The following DACH1 variants were observed in gnomAD, a reference collection of about 807,000 sequenced individuals.
DACH1 encodes the protein dachshund homolog 1.
In DACH1, 12 loss-of-function variants were observed where a neutral mutation model predicts 54.2. The observed-to-expected ratio is 0.22, with a 90% confidence interval of 0.14 to 0.36. The LOEUF is 0.36. Ranked by LOEUF, DACH1 falls within the 10% of genes least tolerant of loss-of-function variation. The pLI, the probability that DACH1 is intolerant of heterozygous loss-of-function variation, is 1.00. For missense variants in DACH1, 805 were observed against 929.8 expected (o/e 0.87, Z 1.75); for synonymous variants, 386 against 366.2 (o/e 1.05, Z -0.62).
At chr13:71,624,973 C>T (rs1310096322) in intron 3 of DACH1, among the ~76,000 whole-genome samples, 2 of 151,878 alleles carry the variant, frequency 1.3e-5, no homozygotes, top group Non-Finnish European at 2.9e-5. Flanking sequence ...ACACCCCCTC[C>T]CTGAAAAAAT....
intron 6 of DACH1, among the ~76,000 whole-genome samples, chr13:71,493,019 C>G (rs1176880556): frequency 1.3e-5 from 2 of 149,214 alleles, no homozygotes; most frequent in Non-Finnish European, 3.0e-5. Context: ...GTGACATGTT[C>G]TTAATGAGTT....
At chr13:71,688,754 A>G (rs1011064066) in intron 1 of DACH1, among the ~76,000 whole-genome samples, 9 of 152,208 alleles carry the variant, frequency 5.9e-5, no homozygotes, top group Non-Finnish European at 8.8e-5. Flanking sequence ...AACTATTAAC[A>G]TGGCAGGTAA....
At chr13:71,635,316 C>A (rs183661779) in intron 2 of DACH1, among the ~76,000 whole-genome samples, 126 of 152,290 alleles carry the variant, frequency 8.3e-4, no homozygotes, top group African/African-American at 2.9e-3. Context: ...CCACCCTCAA[C>A]CCACTCTGCA....
intron 1 of DACH1, among the ~76,000 whole-genome samples, chr13:71,719,059 T>C (rs1200644960): frequency 6.6e-6 from 1 of 152,158 alleles, no homozygotes; most frequent in African/African-American, 2.4e-5. Context: ...TTCTTACTCC[T>C]CCCATTGACA....
chr13:71,760,509 A>G (rs1465593960), intron 1 of DACH1, among the ~76,000 whole-genome samples: 2 of 152,208 alleles, frequency 1.3e-5, no homozygotes, highest in African/African-American at 4.8e-5. Flanking sequence ...TAATCCTTAT[A>G]GCTCTATAAA....
chr13:71,763,793 C>T (rs1249021705), intron 1 of DACH1, among the ~76,000 whole-genome samples: 1 of 152,212 alleles, frequency 6.6e-6, no homozygotes, highest in East Asian at 1.9e-4. Context: ...TATAAAGGCA[C>T]ATGCTCAGCA....
intron 3 of DACH1, among the ~76,000 whole-genome samples, chr13:71,605,729 G>T (rs973206083): frequency 8.2e-4 from 124 of 151,908 alleles, no homozygotes; most frequent in African/African-American, 2.8e-3. Flanking sequence ...CTTTTATTAT[G>T]AAAATAAAAA....
At chr13:71,803,499 T>C (rs1365071950) in intron 1 of DACH1, among the ~76,000 whole-genome samples, 1 of 152,168 alleles carries the variant, frequency 6.6e-6, no homozygotes, top group Non-Finnish European at 1.5e-5. Flanking sequence ...TTGCCCATGA[T>C]TGTAAATTTG....
At chr13:71,777,320 C>G (rs1566493509) in intron 1 of DACH1, among the ~76,000 whole-genome samples, 2 of 152,088 alleles carry the variant, frequency 1.3e-5, no homozygotes, top group African/African-American at 4.8e-5. Context: ...CTCCAACAAA[C>G]TGTTTGGTAG....
At chr13:71,546,093 C>T (rs1883447025) in intron 6 of DACH1, among the ~76,000 whole-genome samples, 1 of 152,044 alleles carries the variant, frequency 6.6e-6, no homozygotes, top group Admixed American at 6.6e-5. Context: ...TTACATTTTA[C>T]TTAAAGTAAT....
rs869056974 is a variant in DACH1, at chr13:71,748,942, TTCTTTCTTTCTC to T, written c.849-67044_849-67033del. Among the ~76,000 whole-genome samples, 134 of 49,534 alleles carry T rather than the reference TTCTTTCTTTCTC, an allele frequency of 2.7e-3. 4 individuals are homozygous for T. The highest frequency in any genetic ancestry group is 6.1e-3 in the African/African-American group (123 of 20,104). 32.5% of individuals were successfully genotyped at this position (49,534 alleles called of 152,430 possible). A position where few individuals can be genotyped will look rare whatever the true frequency, so the allele number is the denominator to read the frequency against. ...TTTCTTTCTTTCTTTCTTTCTTTCT[TTCTTTCTTTCTC>T]TCTTTCTTTCTCTCTCTCTCTTTCT... On this transcript the variant is annotated intron_variant, in intron 1 of 10. Coordinates refer to ENST00000613252, the MANE Select transcript of DACH1 (RefSeq NM_080759.6).
chr13:71,865,811 G>C (rs1874709440), intron 1 of DACH1, 111 bp downstream of exon 1: 1 of 1,312,746 alleles, frequency 7.6e-7, no homozygotes. Flanking sequence ...GCTCGCCGGG[G>C]CGCGCGGCTC....
intron 10 of DACH1, among the ~76,000 whole-genome samples, chr13:71,445,243 GA>G (rs1334196012): frequency 6.6e-6 from 1 of 152,080 alleles, no homozygotes; most frequent in Non-Finnish European, 1.5e-5. Context: ...TAGCATGTTA[GA>G]AATGTTAAAG....
At chr13:71,496,306 T>TAC (rs1555287656) in intron 6 of DACH1, among the ~76,000 whole-genome samples, 5,779 of 44,768 alleles carry the variant, frequency 0.13, 1,231 homozygotes, top group East Asian at 0.26. Flanking sequence ...TATATATATA[T>TAC]ACACACACAA....
rs182601407 is a variant in DACH1 at position 71,572,165 on chromosome 13, C to T, written c.1299+675G>A. Among the ~76,000 whole-genome samples, 49 of 152,026 alleles carry T rather than the reference C, an allele frequency of 3.2e-4. No individual in the cohort carries two copies. In the East Asian group the frequency reaches 8.1e-3, roughly 25 times the overall value. On this transcript the variant is annotated intron_variant, in intron 4 of 10. Transcript: ENST00000613252. ...TTTCTTACTCCTTAGCCAGACAACG[C>T]AGTTAAAATATTTTGATTTAAGTAC...
rs1877827733 is a variant in DACH1, at chr13:71,479,236, A to G, written c.1803T>C (p.Asp601=). ...VQLEKTELKM[D]FLRERELRET... ...CCCTTAGTTCTCTTTCCCTTAAAAA[A>G]TCCATCTTCAGCTCAGTTTTTTCCA... is the stretch of plus-strand genomic sequence containing the variant. The change falls in exon 8 of 11, where the codon GAT becomes GAC. Residue 601 remains aspartate, a synonymous_variant. Transcript: ENST00000613252. 1.2e-6 allele frequency: 2 copies of G among 1,613,828 alleles called. No individual in the cohort carries two copies. The highest frequency in any genetic ancestry group is 1.7e-6 in the Non-Finnish European group (2 of 1,179,886).
At chr13:71,482,305 T>C (rs1878111803) in intron 7 of DACH1, among the ~76,000 whole-genome samples, 1 of 152,148 alleles carries the variant, frequency 6.6e-6, no homozygotes. Context: ...ACAATATCTG[T>C]CTATATAAGA....
At chr13:71,563,627 C>A (rs936204343) in intron 4 of DACH1, among the ~76,000 whole-genome samples, 1 of 151,638 alleles carries the variant, frequency 6.6e-6, no homozygotes, top group Non-Finnish European at 1.5e-5. Flanking sequence ...ATTTACACAT[C>A]CAAAATACTC....
chr13:71,528,528 C>T (rs1056920126), intron 6 of DACH1, among the ~76,000 whole-genome samples: 13 of 148,124 alleles, frequency 8.8e-5, no homozygotes, highest in Non-Finnish European at 1.5e-4. Context: ...CCCGGGTTCA[C>T]GCCATTCTCC....
Sources: gnomAD v4.1 joint callset for allele counts (sites outside exome capture counted in the v4.1 genomes callset) on GRCh38, gnomAD v4.1.1 for gene constraint, MANE v1.5 for transcripts, NCBI Gene and HGNC (gene_info 2026-07-23, HGNC 2026-07-21) for gene names.